The following NAMPT variants were observed in gnomAD, a reference collection of about 807,000 sequenced individuals.
NAMPT encodes the protein nicotinamide phosphoribosyltransferase.
A neutral mutation model predicts 58.7 loss-of-function variants in NAMPT; 7 were observed. That is an observed-to-expected ratio of 0.12 (90% CI 0.07 to 0.22). The LOEUF is 0.22. NAMPT is among the 10% of genes least tolerant of loss of function. The pLI is 1.00. For synonymous variants in NAMPT, 145 were observed against 198.1 expected (o/e 0.73, Z 2.25); for missense variants, 271 against 567.9 (o/e 0.48, Z 5.31).
At chr7:106,283,508 G>A (rs1431722519) in intron 1 of NAMPT, among the ~76,000 whole-genome samples, 1 of 152,056 alleles carries the variant, frequency 6.6e-6, no homozygotes, top group African/African-American at 2.4e-5. Context: ...TATCAATGAG[G>A]CTATTCTAAA....
chr7:106,285,547 C>T (rs558304522), upstream of NAMPT: 36 of 986,128 alleles, frequency 3.7e-5, no homozygotes, highest in Non-Finnish European at 4.3e-5. Context: ...TCACCTTTGT[C>T]TCCGGCCTGG....
intron 9 of NAMPT, 131 bp from the exon 10 acceptor site, chr7:106,253,282 A>G: frequency 1.2e-6 from 1 of 864,124 alleles, no homozygotes; most frequent in Admixed American, 3.0e-5. Context: ...TAACTGAACC[A>G]ATCCACATCT....
upstream of NAMPT, chr7:106,285,136 T>G: frequency 7.8e-7 from 1 of 1,283,752 alleles, no homozygotes; most frequent in South Asian, 2.0e-5. Flanking sequence ...CCACCTCGGT[T>G]CCCCCGCCTT....
chr7:106,250,960 G>A lies in NAMPT; in HGVS notation c.*123C>T. 1 of 675,774 alleles carries A rather than the reference G, an allele frequency of 1.5e-6. No homozygotes were observed. The highest frequency in any genetic ancestry group is 1.7e-5 in the South Asian group (1 of 59,498). The allele number at this position is 675,774 out of a possible 1,614,324, so 41.9% of individuals were successfully genotyped here. ...ACACTGGAAAAGAAAAAAAATGAAAGGGCAGTATGTCCATAAACCAACAAA... is the reference window on the plus strand; with the variant it reads ...ACACTGGAAAAGAAAAAAAATGAAAAGGCAGTATGTCCATAAACCAACAAA... On this transcript the variant is annotated 3_prime_UTR_variant, in exon 11 of 11. Transcript: ENST00000222553.
chr7:106,284,861 C>T lies in NAMPT; in HGVS notation c.24G>A (p.Glu8=), dbSNP rs775318354. The part of the protein sequence containing the change: MNPAAEA[E]FNILLATDSY... ...AGTCGGTGGCCAGGAGGATGTTGAA[C>T]TCGGCTTCTGCCGCAGGATTCATCT... Residue 8 remains glutamate, a synonymous_variant, in exon 1 of 11, where the codon GAG becomes GAA. Transcript: ENST00000222553. 92 of 1,578,186 alleles carry T rather than the reference C, an allele frequency of 5.8e-5. No individual in the cohort carries two copies. The highest frequency in any genetic ancestry group is 7.4e-5 in the Non-Finnish European group (86 of 1,161,058).
At position 106,284,900 on chromosome 7, in the gene NAMPT, A is replaced by C; in HGVS notation, c.-16T>G. On this transcript the variant is annotated 5_prime_UTR_variant, in exon 1 of 11. Transcript: ENST00000222553. ...CAGGATTCATCTCGGGCCGGAGGAC[A>C]GGGGCCGCGCGCCGCGAGCTCCCTG... The C allele has an allele frequency of 6.3e-7, 1 of 1,577,392 alleles. No homozygotes were observed. The highest frequency in any genetic ancestry group is 8.6e-7 in the Non-Finnish European group (1 of 1,160,830).
chr7:106,258,643 T>C (rs1792250669), intron 8 of NAMPT, among the ~76,000 whole-genome samples: 1 of 152,250 alleles, frequency 6.6e-6, no homozygotes, highest in Admixed American at 6.5e-5. Context: ...TTTTTTGATT[T>C]CCCATTGCAT....
intron 6 of NAMPT, among the ~76,000 whole-genome samples, chr7:106,264,730 C>T (rs181586216): frequency 1.3e-5 from 2 of 152,172 alleles, no homozygotes; most frequent in East Asian, 1.9e-4. Flanking sequence ...CCCTAATTTT[C>T]TAGTCCGCCT....
In NAMPT at chr7:106,249,189, T is replaced by A. The variant is rs1586007326; in HGVS notation, c.*1894A>T. ...TACTCAAATACATTAAAAAATCATT[T>A]TAAAATTATTTTATATCATGGATTA... On this transcript the variant is annotated 3_prime_UTR_variant, in exon 11 of 11. Transcript: ENST00000222553. The A allele has an allele frequency of 1.3e-5, 2 of 152,632 alleles. No homozygotes were observed. Among genetic ancestry groups the A allele is most frequent in the East Asian group, 3.9e-4 (2 of 5,182 alleles). The allele number at this position is 152,632 out of a possible 1,614,324, so 9.5% of individuals were successfully genotyped here. A position where few individuals can be genotyped will look rare whatever the true frequency, so the allele number is the denominator to read the frequency against.
intron 7 of NAMPT, among the ~76,000 whole-genome samples, chr7:106,262,362 C>A (rs996847846): frequency 6.6e-6 from 1 of 152,034 alleles, no homozygotes; most frequent in Non-Finnish European, 1.5e-5. Flanking sequence ...CCACAACAAT[C>A]ATTTCTTTTT....
chr7:106,259,985 A>G (rs986267596), intron 8 of NAMPT, among the ~76,000 whole-genome samples: 1 of 149,386 alleles, frequency 6.7e-6, no homozygotes, highest in Non-Finnish European at 1.5e-5. Flanking sequence ...TTGTTGTTCC[A>G]TTTATAAAGC....
At chr7:106,264,870 A>T (rs1792380235) in intron 6 of NAMPT, among the ~76,000 whole-genome samples, 1 of 151,880 alleles carries the variant, frequency 6.6e-6, no homozygotes, top group South Asian at 2.1e-4. Flanking sequence ...CACTTTATAC[A>T]ATGTGTGTGT....
intron 6 of NAMPT, among the ~76,000 whole-genome samples, chr7:106,264,629 T>C (rs781450657): frequency 3.9e-5 from 6 of 152,056 alleles, no homozygotes; most frequent in Non-Finnish European, 5.9e-5. Context: ...TGTAAATATT[T>C]GTTAATATAT....
intron 4 of NAMPT, chr7:106,270,319 A>T: frequency 4.8e-6 from 2 of 413,120 alleles, no homozygotes; most frequent in Non-Finnish European, 5.1e-6. Flanking sequence ...TGCTAAGATG[A>T]TGCAATGTCT....
At chr7:106,284,630 A>C (rs1476343692) in intron 1 of NAMPT, 198 bp downstream of exon 1, 11 of 431,112 alleles carry the variant, frequency 2.6e-5, no homozygotes, top group Admixed American at 1.3e-4. Flanking sequence ...CATCCTCCTC[A>C]AGCCACCTCC....
At chr7:106,253,191 A>C in intron 9 of NAMPT, 40 bp from the exon 10 acceptor site, 1 of 1,596,586 alleles carries the variant, frequency 6.3e-7, no homozygotes, top group Non-Finnish European at 8.5e-7. Flanking sequence ...GTAGAAGACT[A>C]ATCATCAGAA....
intron 4 of NAMPT, among the ~76,000 whole-genome samples, chr7:106,270,534 T>C (rs1792512841): frequency 1.3e-5 from 2 of 152,172 alleles, no homozygotes; most frequent in Admixed American, 6.5e-5. Context: ...AGAGATGGAA[T>C]CTCCTTTCTT....
rs1792275041 is a variant in NAMPT, at chr7:106,259,947, T to C, written c.1089+1641A>G. ...GCTTAAAATACTCAGTACACTATGA[T>C]GTAAACAGACATGCTGTCATCCAGG... On this transcript the variant is annotated intron_variant, in intron 8 of 10. Transcript: ENST00000222553. 3.3e-5 allele frequency among the ~76,000 whole-genome samples: 5 copies of C among 150,146 alleles called. No individual in the cohort carries two copies. The South Asian group carries it at 1.0e-3, about 31-fold the overall frequency.
chr7:106,268,451 C>T lies in NAMPT; in HGVS notation c.743+13G>A. ...AAAATTAGTAGTTTTAAAAAATGAA[C>T]AGAATTTTTTACCTGTGTTCTGCTG... On this transcript the variant is annotated intron_variant, in intron 6 of 10. Coordinates refer to ENST00000222553, the MANE Select transcript of NAMPT (RefSeq NM_005746.3). 1 of 1,589,358 alleles carries T rather than the reference C, an allele frequency of 6.3e-7. No homozygotes were observed. Among genetic ancestry groups the T allele is most frequent in the South Asian group, 1.1e-5 (1 of 87,026 alleles).
Sources: allele counts gnomAD v4.1 joint callset (sites outside exome capture counted in the v4.1 genomes callset), GRCh38; gene constraint gnomAD v4.1.1; transcripts MANE v1.5; gene names NCBI Gene and HGNC (gene_info 2026-07-23, HGNC 2026-07-21).